Variants in PRMT8 observed in about 807,000 individuals in gnomAD.
PRMT8 encodes the protein protein arginine methyltransferase 8.
In PRMT8, 7 loss-of-function variants were observed where a neutral mutation model predicts 47.1. The ratio of observed to expected loss-of-function variants is 0.15; its 90% CI spans 0.08 to 0.28. The LOEUF is 0.28. Among genes scored for constraint, PRMT8 ranks in the 10% least tolerant of loss-of-function variants. PRMT8 has a pLI of 1.00. For synonymous variants in PRMT8, 188 were observed against 186.5 expected (o/e 1.01, Z -0.07); for missense variants, 237 against 505.4 (o/e 0.47, Z 5.09).
chr12:3,506,721 G>GGGA, intron 1 of PRMT8, among the ~76,000 whole-genome samples: 1 of 152,210 alleles, frequency 6.6e-6, no homozygotes, highest in East Asian at 1.9e-4. Flanking sequence ...CATTCTCTAC[G>GGGA]GGAGGCTCCC....
Position 3,588,543 on chromosome 12 carries a change from T to A in PRMT8, c.980-3688T>A, listed in dbSNP as rs182769486. On this transcript the variant is annotated intron_variant, in intron 8 of 9. Coordinates refer to ENST00000382622, the MANE Select transcript of PRMT8 (RefSeq NM_019854.5). ...CCTGAATGTCTTCTCACTGAGGCTG[T>A]ATGATCGGGGGAGGAGGGGACAAAG... Among the ~76,000 whole-genome samples the A allele has an allele frequency of 9.9e-5, 15 of 152,230 alleles. No homozygotes were observed. The East Asian group carries it at 2.9e-3, about 29-fold the overall frequency.
intron 8 of PRMT8, among the ~76,000 whole-genome samples, chr12:3,587,514 A>C (rs568588133): frequency 1.3e-5 from 2 of 152,232 alleles, no homozygotes; most frequent in East Asian, 3.9e-4. Context: ...TATTGATTCG[A>C]GCTATGCCCT....
chr12:3,398,244 T>C (rs1303681342), intron 1 of PRMT8, among the ~76,000 whole-genome samples: 1 of 152,112 alleles, frequency 6.6e-6, no homozygotes, highest in Non-Finnish European at 1.5e-5. Flanking sequence ...GAAATTTGGA[T>C]TTTATACTGC....
intron 1 of PRMT8, among the ~76,000 whole-genome samples, chr12:3,510,482 C>T (rs1865694486): frequency 6.6e-6 from 1 of 152,214 alleles, no homozygotes; most frequent in South Asian, 2.1e-4. Flanking sequence ...GACCTGATCA[C>T]TATACATCCT....
At chr12:3,499,132 G>C (rs1865551851) in intron 1 of PRMT8, among the ~76,000 whole-genome samples, 2 of 150,034 alleles carry the variant, frequency 1.3e-5, no homozygotes, top group South Asian at 4.2e-4. Context: ...ATCTTAACTT[G>C]ATAACATCTG....
intron 1 of PRMT8, among the ~76,000 whole-genome samples, chr12:3,459,108 C>T (rs1006723129): frequency 1.3e-5 from 2 of 152,176 alleles, no homozygotes; most frequent in Non-Finnish European, 2.9e-5. Flanking sequence ...ATTCCTTCAT[C>T]CCCCAAACTC....
At chr12:3,516,019 G>A (rs983360181) in intron 1 of PRMT8, among the ~76,000 whole-genome samples, 9 of 152,190 alleles carry the variant, frequency 5.9e-5, no homozygotes, top group Non-Finnish European at 1.0e-4. Context: ...TAAAGTATCC[G>A]CCAATAGTTG....
In PRMT8 at chr12:3,580,678, G is replaced by A. The variant is rs1867043624; in HGVS notation, c.829-2380G>A. Among the ~76,000 whole-genome samples the A allele has an allele frequency of 6.6e-6, 1 of 152,154 alleles. No individual in the cohort carries two copies. The highest frequency in any genetic ancestry group is 1.5e-5 in the Non-Finnish European group (1 of 68,026). The stretch of plus-strand genomic sequence containing the variant: ...GGGCAAGGGCGAAGGTGGTGAGACT[G>A]CGATATGAGCCAGAAGTGAGATTGG... On this transcript the variant is annotated intron_variant, in intron 7 of 9. Transcript: ENST00000382622. This position sits in a 1 kb window ranked among gnomAD's most constrained non-coding sequence, Gnocchi z 4.6.
rs1323844889 is a variant in PRMT8, at chr12:3,569,119, AG to A, written c.624+273del. ...CATCCGTTCTCTCTTGTCGAGTTAA[AG>A]GTCCGTTTCGGTCAGCAAGTACTTA... On this transcript the variant is annotated intron_variant, in intron 5 of 9. Coordinates refer to ENST00000382622, the MANE Select transcript of PRMT8 (RefSeq NM_019854.5). The surrounding 1 kb of genome is among the most constrained non-coding windows in gnomAD (Gnocchi z 8.2). Among the ~76,000 whole-genome samples the A allele has an allele frequency of 6.6e-6, 1 of 152,152 alleles. No homozygotes were observed. Among genetic ancestry groups the A allele is most frequent in the African/African-American group, 2.4e-5 (1 of 41,430 alleles).
intron 1 of PRMT8, among the ~76,000 whole-genome samples, chr12:3,509,351 C>T (rs1328729855): frequency 1.3e-5 from 2 of 152,182 alleles, no homozygotes; most frequent in Non-Finnish European, 2.9e-5. Context: ...GTGTGGATGT[C>T]GCTTCTTCCA....
intron 3 of PRMT8, chr12:3,551,637 T>C (rs555082650): frequency 6.6e-6 from 1 of 152,418 alleles, no homozygotes; most frequent in South Asian, 2.1e-4. Context: ...TGGCGCGATC[T>C]GTCTGCCTCC....
chr12:3,429,751 T>A (rs1244118695), intron 1 of PRMT8, among the ~76,000 whole-genome samples: 1 of 152,214 alleles, frequency 6.6e-6, no homozygotes, highest in Admixed American at 6.5e-5. Context: ...TCCTTCCCGG[T>A]GTTCAGCCAC....
intron 1 of PRMT8, among the ~76,000 whole-genome samples, chr12:3,442,773 G>A (rs180748630): frequency 5.0e-4 from 76 of 152,168 alleles, no homozygotes; most frequent in Non-Finnish European, 8.8e-4. Flanking sequence ...ATTCTCCTGC[G>A]TCAGCCTCCT....
intron 1 of PRMT8, among the ~76,000 whole-genome samples, chr12:3,408,238 C>CT (rs978216332): frequency 1.4e-5 from 2 of 140,634 alleles, no homozygotes; most frequent in South Asian, 2.4e-4. Flanking sequence ...CTTTTCTTTT[C>CT]TTTTTTTTCT....
chr12:3,384,925 C>A (rs910785598), intron 1 of PRMT8, among the ~76,000 whole-genome samples: 2 of 140,616 alleles, frequency 1.4e-5, no homozygotes, highest in Non-Finnish European at 3.0e-5. Flanking sequence ...ATGGAGACAA[C>A]TTCTTTCAAA....
chr12:3,547,551 G>A (rs1301251278), intron 2 of PRMT8, among the ~76,000 whole-genome samples: 3 of 152,134 alleles, frequency 2.0e-5, no homozygotes, highest in Non-Finnish European at 4.4e-5. Context: ...GCCAAGGTGG[G>A]CAGATTACTT....
At chr12:3,531,994 C>G (rs1448171322) in intron 1 of PRMT8, among the ~76,000 whole-genome samples, 1 of 152,110 alleles carries the variant, frequency 6.6e-6, no homozygotes, top group Non-Finnish European at 1.5e-5. Flanking sequence ...TCCTAGGCAC[C>G]AGCTGGAGAG....
intron 1 of PRMT8, among the ~76,000 whole-genome samples, chr12:3,400,403 A>G (rs997704245): frequency 5.3e-5 from 8 of 152,192 alleles, no homozygotes; most frequent in African/African-American, 1.9e-4. Context: ...AAACTAGAAA[A>G]CCCAGAAGAA....
At chr12:3,395,203 C>T (rs1409543712) in intron 1 of PRMT8, among the ~76,000 whole-genome samples, 3 of 151,036 alleles carry the variant, frequency 2.0e-5, no homozygotes, top group Non-Finnish European at 4.4e-5. Flanking sequence ...TTTTGTGTCT[C>T]TATTTCCTTC....
Sources: gnomAD v4.1 joint callset for allele counts (sites outside exome capture counted in the v4.1 genomes callset) on GRCh38, gnomAD v4.1.1 for gene constraint, Gnocchi (gnomAD v3.1) non-coding constraint, MANE v1.5 for transcripts, NCBI Gene and HGNC (gene_info 2026-07-23, HGNC 2026-07-21) for gene names.